The following RPS6KC1 variants were observed in gnomAD, a reference collection of about 807,000 sequenced individuals.
RPS6KC1 encodes the protein inactive ribosomal protein S6 kinase delta-1.
In RPS6KC1, 54 loss-of-function variants were observed where a neutral mutation model predicts 103.8. That is an observed-to-expected ratio of 0.52 (90% CI 0.42 to 0.65). RPS6KC1 has a LOEUF of 0.65. RPS6KC1 is among the 30% of genes least tolerant of loss of function. RPS6KC1 has a pLI of 0.00. For synonymous variants in RPS6KC1, 439 were observed against 438.7 expected, an observed-to-expected ratio of 1.00 and a Z score of -0.01; for missense variants, 1,151 against 1,253.8, an observed-to-expected ratio of 0.92 and a Z score of 1.24.
In RPS6KC1 at chr1:213,228,998, A is replaced by G. The variant is rs531415585; in HGVS notation, c.1045-1499A>G. 5.1e-4 allele frequency among the ~76,000 whole-genome samples: 77 copies of G among 152,236 alleles called. 1 individual carries two copies. Among genetic ancestry groups the G allele is most frequent in the African/African-American group, 1.8e-3 (76 of 41,532 alleles). On this transcript the variant is annotated intron_variant, in intron 8 of 14. Coordinates refer to ENST00000366960, the MANE Select transcript of RPS6KC1 (RefSeq NM_012424.6). The stretch of plus-strand genomic sequence containing the variant: ...TTGTTCTGAAGGTGGGAGACAGGAG[A>G]CAGTTCAGAGTAACTTAGACCACGT...
the RPS6KC1 span, chr1:213,820,872 G>A: frequency 6.6e-6 from 1 of 152,090 alleles, no homozygotes; most frequent in Non-Finnish European, 1.5e-5. Flanking sequence ...AAGCTGTGCA[G>A]TGAACTACCT....
intron 1 of RPS6KC1, among the ~76,000 whole-genome samples, chr1:213,062,412 T>C (rs1196482609): frequency 6.6e-6 from 1 of 152,234 alleles, no homozygotes. Context: ...GAAACACTTC[T>C]TGTCTCATGC....
At chr1:213,491,408 C>T in the RPS6KC1 span, among the ~76,000 whole-genome samples, 11 of 152,142 alleles carry the variant, frequency 7.2e-5, no homozygotes, top group African/African-American at 2.4e-4. Context: ...ATTAATCGGG[C>T]GTAGTAGTGT....
chr1:213,111,439 C>G (rs1316471849), intron 4 of RPS6KC1, among the ~76,000 whole-genome samples: 1 of 152,136 alleles, frequency 6.6e-6, no homozygotes, highest in Non-Finnish European at 1.5e-5. Context: ...CTACATCCCT[C>G]TAGTTCCTGT....
At chr1:213,760,938 A>T in the RPS6KC1 span, among the ~76,000 whole-genome samples, 1 of 108,556 alleles carries the variant, frequency 9.2e-6, no homozygotes, top group Non-Finnish European at 1.9e-5. Flanking sequence ...ATTTGGGGGG[A>T]AAATGAACAT....
intron 8 of RPS6KC1, among the ~76,000 whole-genome samples, chr1:213,215,251 T>C (rs2093628499): frequency 6.6e-6 from 1 of 152,164 alleles, no homozygotes; most frequent in East Asian, 1.9e-4. Context: ...CAGTAGCCGA[T>C]GCGATCAACT....
the RPS6KC1 span, among the ~76,000 whole-genome samples, chr1:213,461,866 A>G: frequency 6.6e-6 from 1 of 152,240 alleles, no homozygotes; most frequent in Non-Finnish European, 1.5e-5. Flanking sequence ...ATGGGCAAAG[A>G]CTTCATGACT....
the RPS6KC1 span, among the ~76,000 whole-genome samples, chr1:213,750,414 G>C: frequency 6.6e-6 from 1 of 152,204 alleles, no homozygotes; most frequent in Non-Finnish European, 1.5e-5. Flanking sequence ...CTTTATCTCT[G>C]TTTGTTCTTG....
At chr1:213,499,120 T>G in the RPS6KC1 span, among the ~76,000 whole-genome samples, 1 of 152,144 alleles carries the variant, frequency 6.6e-6, no homozygotes, top group Non-Finnish European at 1.5e-5. Context: ...TCATAAACAG[T>G]GTTGTAACAC....
chr1:213,401,794 T>G, the RPS6KC1 span, among the ~76,000 whole-genome samples: 5,949 of 152,102 alleles, frequency 0.039, 413 homozygotes, highest in African/African-American at 0.14. Context: ...CTTTATTTAT[T>G]TATTTATTTT....
chr1:213,254,322 T>G (rs777014459), intron 12 of RPS6KC1, among the ~76,000 whole-genome samples: 36 of 152,364 alleles, frequency 2.4e-4, no homozygotes, highest in Non-Finnish European at 4.4e-4. Flanking sequence ...GAGCTGATTC[T>G]GTGTCTCCAT....
the RPS6KC1 span, among the ~76,000 whole-genome samples, chr1:213,363,092 C>T: frequency 2.0e-5 from 3 of 152,178 alleles, no homozygotes; most frequent in Admixed American, 2.0e-4. Flanking sequence ...AGTGTTGGGC[C>T]ACATCTATCA....
At chr1:213,061,707 C>T (rs1370642582) in intron 1 of RPS6KC1, among the ~76,000 whole-genome samples, 1 of 151,590 alleles carries the variant, frequency 6.6e-6, no homozygotes, top group African/African-American at 2.4e-5. Context: ...GATGAATGTG[C>T]CACTTGGTAT....
chr1:213,673,896 T>A, the RPS6KC1 span, among the ~76,000 whole-genome samples: 6 of 152,212 alleles, frequency 3.9e-5, no homozygotes, highest in African/African-American at 1.2e-4. Flanking sequence ...ATTGGTATAT[T>A]GCATGATGCT....
At chr1:213,798,457 C>G in the RPS6KC1 span, among the ~76,000 whole-genome samples, 1 of 152,310 alleles carries the variant, frequency 6.6e-6, no homozygotes, top group South Asian at 2.1e-4. Flanking sequence ...TACCACACAG[C>G]TATAGCAGGG....
chr1:213,260,449 G>C (rs566177626), intron 12 of RPS6KC1, among the ~76,000 whole-genome samples: 1 of 152,264 alleles, frequency 6.6e-6, no homozygotes, highest in Admixed American at 6.5e-5. Context: ...TGGTCCGTAT[G>C]ACTTTTGCTT....
Position 213,241,407 on chromosome 1 carries a change from G to A in RPS6KC1, c.1931G>A (p.Ser644Asn), listed in dbSNP as rs1158208292. Residue 644 changes from serine (S) to asparagine (N), a missense_variant, in exon 11 of 15, where the codon AGT (serine) becomes AAT (asparagine). Physicochemically the swap from Ser to Asn is conservative, Grantham distance 46. Coordinates refer to ENST00000366960, the MANE Select transcript of RPS6KC1 (RefSeq NM_012424.6). ...CCAGATGGAGACAGTGCTTCTAGGA[G>A]TTTTAATACTAGTGAAAGCAAGGTA... Reference protein sequence around the residue: ...TLPDGDSASRSFNTSESKVEF... With the variant: ...TLPDGDSASRNFNTSESKVEF... 3 of 1,613,954 alleles carry A rather than the reference G, an allele frequency of 1.9e-6. No homozygotes were observed. The highest frequency in any genetic ancestry group is 2.2e-5 in the East Asian group (1 of 44,880).
chr1:213,360,517 T>C, the RPS6KC1 span, among the ~76,000 whole-genome samples: 1 of 152,236 alleles, frequency 6.6e-6, no homozygotes, highest in Non-Finnish European at 1.5e-5. Flanking sequence ...CTCCTTTAGC[T>C]CAGAGAAGTT....
chr1:213,411,326 A>G, the RPS6KC1 span, among the ~76,000 whole-genome samples: 2 of 152,188 alleles, frequency 1.3e-5, no homozygotes, highest in African/African-American at 4.8e-5. Context: ...GTGCTGTGGC[A>G]TGAAGTTGTT....
Sources: gnomAD v4.1 joint callset for allele counts (sites outside exome capture counted in the v4.1 genomes callset) on GRCh38, gnomAD v4.1.1 for gene constraint, MANE v1.5 for transcripts, NCBI Gene and HGNC (gene_info 2026-07-23, HGNC 2026-07-21) for gene names.